Variants in ERICH3 observed in about 807,000 individuals in gnomAD.
The protein encoded by ERICH3 is glutamate-rich protein 3.
ERICH3 carries 126 observed loss-of-function variants against 131.1 expected under a neutral mutation model. The ratio of observed to expected loss-of-function variants is 0.96; its 90% confidence interval spans 0.83 to 1.11. ERICH3 has a LOEUF of 1.11. Among genes scored for constraint, ERICH3 ranks in the 50% most tolerant of loss-of-function variants. The pLI is 0.00. For synonymous variants in ERICH3, 695 were observed against 644.6 expected (o/e 1.08, Z -1.18); for missense variants, 2,050 against 1,810.7 (o/e 1.13, Z -2.40).
At chr1:74,623,944 T>C (rs1407535689) in intron 7 of ERICH3, 1 of 152,206 alleles carries the variant, frequency 6.6e-6, no homozygotes. Context: ...TCTACAACTG[T>C]ATGAGTCACA....
rs756690781 is a variant in ERICH3, at chr1:74,612,702, G to A, written c.1108C>T (p.His370Tyr). ...CCTCCAAGCCTGGAACCTTTCCGAT[G>A]CTTGTATTCACAACAGGAGCTTAAC... ...NRLSSCCEYK[H>Y]RKGSRLGGKR... The change falls in exon 9 of 15, where the codon CAT becomes TAT. Residue 370 changes from histidine (H) to tyrosine (Y), a missense_variant. Physicochemically the swap from His to Tyr is moderately conservative, Grantham distance 83. Transcript: ENST00000326665. 1 of 1,603,876 alleles carries A rather than the reference G, an allele frequency of 6.2e-7. No homozygotes were observed. The highest frequency in any genetic ancestry group is 1.1e-5 in the South Asian group (1 of 90,016).
intron 11 of ERICH3, among the ~76,000 whole-genome samples, chr1:74,594,906 G>A (rs1479376232): frequency 6.6e-6 from 1 of 152,080 alleles, no homozygotes; most frequent in Non-Finnish European, 1.5e-5. Context: ...TTAGCTGGAA[G>A]CACCTACAGA....
intron 1 of ERICH3, among the ~76,000 whole-genome samples, chr1:74,665,890 AG>A (rs1480001533): frequency 7.9e-5 from 12 of 152,176 alleles, no homozygotes; most frequent in Admixed American, 7.2e-4. Context: ...GGCACAATTA[AG>A]TCCATGACAC....
Position 74,572,888 on chromosome 1 carries a change from TC to T in ERICH3, c.2821del (p.Asp941MetfsTer11), listed in dbSNP as rs767969470. On this transcript the variant is annotated frameshift_variant, in exon 14 of 15. Coordinates refer to ENST00000326665, the MANE Select transcript of ERICH3 (RefSeq NM_001002912.5). LOFTEE classifies it high-confidence loss of function. ...GEAEGGVAVS[D>X]VGESEEEASI... ...TGCTTCCTCTTCACTTTCTCCGACATCACTCACAGCCACCCCACCCTCAGCC... is the reference window on the plus strand; with the variant it reads ...TGCTTCCTCTTCACTTTCTCCGACATACTCACAGCCACCCCACCCTCAGCC... 7 of 1,613,852 alleles carry T rather than the reference TC, an allele frequency of 4.3e-6. No homozygotes were observed. The highest frequency in any genetic ancestry group is 1.7e-5 in the Admixed American group (1 of 59,984).
intron 1 of ERICH3, among the ~76,000 whole-genome samples, chr1:74,657,375 G>A (rs1646595065): frequency 6.6e-6 from 1 of 152,034 alleles, no homozygotes; most frequent in Non-Finnish European, 1.5e-5. Flanking sequence ...TGACATCAGG[G>A]CCAATTATTT....
chr1:74,606,925 G>C (rs1461580764), intron 9 of ERICH3, 23 bp from the exon 10 acceptor site: 1 of 1,598,396 alleles, frequency 6.3e-7, no homozygotes, highest in Non-Finnish European at 8.5e-7. Context: ...TTAGCAGGAA[G>C]TGTTTGTTAA....
intron 2 of ERICH3, among the ~76,000 whole-genome samples, chr1:74,648,333 G>A (rs1646502921): frequency 6.6e-6 from 1 of 152,226 alleles, no homozygotes; most frequent in South Asian, 2.1e-4. Flanking sequence ...TAACTGCCAC[G>A]ACAATTCTGA....
chr1:74,614,025 G>A (rs1485486795), intron 8 of ERICH3, among the ~76,000 whole-genome samples: 2 of 152,082 alleles, frequency 1.3e-5, no homozygotes, highest in Non-Finnish European at 2.9e-5. Context: ...AATTTTAATG[G>A]TGTATCAGCA....
intron 10 of ERICH3, among the ~76,000 whole-genome samples, chr1:74,604,130 T>G (rs991022401): frequency 8.5e-5 from 13 of 152,072 alleles, no homozygotes; most frequent in Admixed American, 5.9e-4. Flanking sequence ...ATTTCAACAA[T>G]GTTCATGGCA....
intron 11 of ERICH3, among the ~76,000 whole-genome samples, chr1:74,597,422 A>G (rs1474867632): frequency 6.6e-6 from 1 of 152,092 alleles, no homozygotes; most frequent in African/African-American, 2.4e-5. Context: ...AACATCATTA[A>G]TGAAACAACA....
intron 6 of ERICH3, among the ~76,000 whole-genome samples, chr1:74,635,457 G>A (rs1323918354): frequency 2.0e-5 from 3 of 151,936 alleles, no homozygotes; most frequent in African/African-American, 7.2e-5. Flanking sequence ...ATTTCTTAGT[G>A]TCAAGGTTAT....
At chr1:74,580,695 C>T (rs1192947361) in intron 12 of ERICH3, among the ~76,000 whole-genome samples, 1 of 152,132 alleles carries the variant, frequency 6.6e-6, no homozygotes, top group African/African-American at 2.4e-5. Context: ...ATACAATGTA[C>T]ATTCTTCTGT....
At position 74,572,656 on chromosome 1, in the gene ERICH3, A is replaced by G. The variant is rs537825174; in HGVS notation, c.3054T>C (p.Leu1018=). The stretch of plus-strand genomic sequence containing the variant: ...CCTTGCAAAGGAAGGCTTCCTTTGC[A>G]AGGCTTCCTTCCTCAGGGCTGCCCT... The part of the protein sequence containing the change: ...VSEGSPEEGS[L]AKEAFLCKED... The change falls in exon 14 of 15, where the codon CTT becomes CTC. Residue 1018 remains leucine (L), a synonymous_variant. Coordinates refer to ENST00000326665, the MANE Select transcript of ERICH3 (RefSeq NM_001002912.5). The G allele has an allele frequency of 1.2e-6, 2 of 1,613,740 alleles. No individual in the cohort carries two copies. The highest frequency in any genetic ancestry group is 2.2e-5 in the South Asian group (2 of 91,052).
At chr1:74,579,892 G>C in intron 12 of ERICH3, 1 of 983,420 alleles carries the variant, frequency 1.0e-6, no homozygotes, top group Non-Finnish European at 1.2e-6. Flanking sequence ...GTCACACACA[G>C]AAAATTTCTT....
chr1:74,616,573 T>C (rs1648976663), intron 8 of ERICH3, among the ~76,000 whole-genome samples: 1 of 151,922 alleles, frequency 6.6e-6, no homozygotes, highest in Non-Finnish European at 1.5e-5. Context: ...TACTTGAAAA[T>C]TGCCCACAGT....
chr1:74,601,524 G>A (rs979835412), intron 10 of ERICH3, among the ~76,000 whole-genome samples: 10 of 151,802 alleles, frequency 6.6e-5, no homozygotes, highest in Non-Finnish European at 1.2e-4. Flanking sequence ...TTTTAGATAG[G>A]ACATATAATT....
chr1:74,622,393 T>G (rs1649254354), intron 7 of ERICH3: 1 of 152,196 alleles, frequency 6.6e-6, no homozygotes, highest in African/African-American at 2.4e-5. Context: ...TCTTGCAGAT[T>G]AGAAACATCT....
At chr1:74,657,615 A>G (rs2100650407) in intron 1 of ERICH3, among the ~76,000 whole-genome samples, 1 of 152,306 alleles carries the variant, frequency 6.6e-6, no homozygotes, top group East Asian at 1.9e-4. Flanking sequence ...GAGAACCATA[A>G]TATTATTTTA....
intron 6 of ERICH3, chr1:74,634,531 A>G: frequency 1.7e-6 from 1 of 602,850 alleles, no homozygotes; most frequent in Non-Finnish European, 3.0e-6. Flanking sequence ...AGTCACATTA[A>G]AGGAAAAAAA....
Sources: allele counts gnomAD v4.1 joint callset (sites outside exome capture counted in the v4.1 genomes callset), GRCh38; gene constraint gnomAD v4.1.1; transcripts MANE v1.5; gene names NCBI Gene and HGNC (gene_info 2026-07-23, HGNC 2026-07-21).